The following SLA variants were observed in gnomAD, a reference collection of about 807,000 sequenced individuals.
The protein encoded by SLA is src-like-adapter.
SLA carries 16 observed loss-of-function variants against 30.3 expected under a neutral mutation model. The ratio of observed to expected loss-of-function variants is 0.53; its 90% CI spans 0.36 to 0.80. The LOEUF (loss-of-function observed/expected upper bound fraction) is 0.80, where lower values mean the gene tolerates loss of function less well. SLA is among the 30% of genes least tolerant of loss of function. The pLI is 0.01. For synonymous variants in SLA, 143 were observed against 137.8 expected, an observed-to-expected ratio of 1.04 and a Z score of -0.26; for missense variants, 310 against 345.2, an observed-to-expected ratio of 0.90 and a Z score of 0.81.
At chr8:133,057,982 G>T (rs1841767084) in intron 3 of SLA, among the ~76,000 whole-genome samples, 1 of 152,124 alleles carries the variant, frequency 6.6e-6, no homozygotes, top group African/African-American at 2.4e-5. Context: ...TGTGGGAGCT[G>T]GCTCTAATTG....
At chr8:133,080,568 C>T (rs967810784) in intron 1 of SLA, among the ~76,000 whole-genome samples, 5 of 152,300 alleles carry the variant, frequency 3.3e-5, no homozygotes, top group Middle Eastern at 3.4e-3. Context: ...CCTCCTCAAG[C>T]AGCTGCCCCA....
chr8:133,100,400 A>G (rs866558096), intron 1 of SLA, among the ~76,000 whole-genome samples: 19 of 152,326 alleles, frequency 1.2e-4, no homozygotes, highest in African/African-American at 3.1e-4. Context: ...AGAATGTTTG[A>G]AACTGCTATA....
chr8:133,093,779 T>C (rs1426318714), intron 1 of SLA, among the ~76,000 whole-genome samples: 3 of 152,182 alleles, frequency 2.0e-5, no homozygotes, highest in Admixed American at 1.3e-4. Flanking sequence ...GAAAGGCCAC[T>C]TCACAGTGGC....
At chr8:133,046,775 G>A (rs1181502570) in intron 6 of SLA, among the ~76,000 whole-genome samples, 1 of 152,014 alleles carries the variant, frequency 6.6e-6, no homozygotes, top group East Asian at 1.9e-4. Flanking sequence ...AGCATATTTG[G>A]GTTTTTTAGA....
intron 2 of SLA, among the ~76,000 whole-genome samples, chr8:133,069,832 T>C (rs1373255960): frequency 6.6e-6 from 1 of 151,230 alleles, no homozygotes; most frequent in Non-Finnish European, 1.5e-5. Flanking sequence ...AAAAATCTCA[T>C]CTTGACTAAA....
At chr8:133,038,825 A>G (rs1837585261) in intron 8 of SLA, 88 bp from the exon 9 acceptor site, 4 of 796,388 alleles carry the variant, frequency 5.0e-6, no homozygotes, top group Non-Finnish European at 8.1e-6. Flanking sequence ...GAATGAGAAC[A>G]GGAGGAAAAG....
intron 1 of SLA, among the ~76,000 whole-genome samples, chr8:133,098,255 A>T (rs924653460): frequency 6.6e-6 from 1 of 152,242 alleles, no homozygotes; most frequent in African/African-American, 2.4e-5. Flanking sequence ...GTTAAGAAAT[A>T]GTAAGTTTAG....
At chr8:133,063,474 C>T (rs1842668184) in intron 2 of SLA, 1 of 151,428 alleles carries the variant, frequency 6.6e-6, no homozygotes, top group South Asian at 2.1e-4. Context: ...CATTTGCATG[C>T]TATTTTGGAG....
chr8:133,048,011 A>C, intron 5 of SLA, 78 bp from the exon 6 acceptor site: 1 of 787,684 alleles, frequency 1.3e-6, no homozygotes, highest in Non-Finnish European at 2.2e-6. Context: ...CACCCACCGT[A>C]CTAAGCACCT....
chr8:133,051,022 A>G (rs752177888), intron 3 of SLA, 107 bp from the exon 4 acceptor site: 15 of 671,612 alleles, frequency 2.2e-5, no homozygotes, highest in South Asian at 3.4e-5. Context: ...TTCCAGCAGG[A>G]AATACCTTTC....
intron 2 of SLA, among the ~76,000 whole-genome samples, chr8:133,073,924 G>T (rs778752110): frequency 6.6e-6 from 1 of 152,060 alleles, no homozygotes; most frequent in Non-Finnish European, 1.5e-5. Flanking sequence ...TCTGAGGATT[G>T]CAGAAAAATA....
intron 3 of SLA, among the ~76,000 whole-genome samples, chr8:133,057,950 G>A (rs1841760855): frequency 1.3e-5 from 2 of 152,246 alleles, no homozygotes; most frequent in African/African-American, 2.4e-5. Context: ...GGTCTGTGGT[G>A]CCTCTCTGGC....
chr8:133,097,051 C>G (rs1432986016), intron 1 of SLA, among the ~76,000 whole-genome samples: 2 of 152,210 alleles, frequency 1.3e-5, no homozygotes. Flanking sequence ...TTGGCCAAAG[C>G]CTTGTAGGTG....
intron 2 of SLA, among the ~76,000 whole-genome samples, chr8:133,067,689 T>A (rs905701583): frequency 2.0e-5 from 3 of 151,748 alleles, no homozygotes; most frequent in African/African-American, 7.3e-5. Flanking sequence ...GGCAGGAGAA[T>A]CACTTGAACC....
At chr8:133,084,388 G>A (rs955881455) in intron 1 of SLA, among the ~76,000 whole-genome samples, 2 of 152,320 alleles carry the variant, frequency 1.3e-5, no homozygotes, top group African/African-American at 4.8e-5. Flanking sequence ...CCATGTGTAT[G>A]TATGAAGTAC....
chr8:133,062,827 A>G (rs1265634882), intron 2 of SLA, among the ~76,000 whole-genome samples: 1 of 151,110 alleles, frequency 6.6e-6, no homozygotes, highest in East Asian at 2.0e-4. Context: ...CAGGAAGCAC[A>G]CATGTGACAC....
At chr8:133,067,852 G>A (rs2958701) in intron 2 of SLA, among the ~76,000 whole-genome samples, 3 of 131,636 alleles carry the variant, frequency 2.3e-5, no homozygotes, top group African/African-American at 9.6e-5. Flanking sequence ...CAGAGAGAGA[G>A]AGAAAGAAAG....
intron 3 of SLA, among the ~76,000 whole-genome samples, chr8:133,058,176 C>T (rs907606919): frequency 2.0e-5 from 3 of 152,216 alleles, no homozygotes; most frequent in African/African-American, 7.2e-5. Context: ...CTTCCCCTCC[C>T]TTACTCAAGT....
At chr8:133,090,874 A>AC (rs1847399606) in intron 1 of SLA, among the ~76,000 whole-genome samples, 1 of 151,586 alleles carries the variant, frequency 6.6e-6, no homozygotes, top group African/African-American at 2.4e-5. Flanking sequence ...CTCACCCCGC[A>AC]CCCCCCGGGA....
Sources: gnomAD v4.1 joint callset for allele counts (sites outside exome capture counted in the v4.1 genomes callset) on GRCh38, gnomAD v4.1.1 for gene constraint, MANE v1.5 for transcripts, NCBI Gene and HGNC (gene_info 2026-07-23, HGNC 2026-07-21) for gene names.